CLVS1: variants seen among roughly 807,000 people sequenced by gnomAD.
CLVS1 encodes the protein clavesin 1, also known as clavesin-1.
In CLVS1, 10 loss-of-function variants were observed where a neutral mutation model predicts 33.1. The ratio of observed to expected loss-of-function variants is 0.30; its 90% confidence interval spans 0.19 to 0.51. The LOEUF is 0.51. Among genes scored for constraint, CLVS1 ranks in the 20% least tolerant of loss-of-function variants. The pLI is 0.97. For missense variants in CLVS1, 343 were observed against 433.4 expected (o/e 0.79, Z 1.85); for synonymous variants, 163 against 166.1 (o/e 0.98, Z 0.14).
the CLVS1 span, among the ~76,000 whole-genome samples, chr8:61,033,110 A>C: frequency 1.2e-3 from 108 of 89,926 alleles, 3 homozygotes; most frequent in African/African-American, 4.6e-3. Flanking sequence ...ATAGAAAGAA[A>C]GAAGGAAGGA....
In CLVS1 at chr8:61,199,796, C is replaced by T. The variant is rs146417594; in HGVS notation, c.-152+67936C>T. Among the ~76,000 whole-genome samples, 285 of 152,344 alleles carry T rather than the reference C, an allele frequency of 1.9e-3. 2 individuals carry two copies. Among genetic ancestry groups the T allele is most frequent in the Admixed American group, 2.8e-3 (43 of 15,300 alleles). Reference sequence around the variant, plus strand: ...CCCAAAGGGGCTTTGTCTCATCCCACTTTCCACCTTTTTATGTAGAGAAAC... The same window carrying T: ...CCCAAAGGGGCTTTGTCTCATCCCATTTTCCACCTTTTTATGTAGAGAAAC... On this transcript the variant is annotated intron_variant, in intron 2 of 2. Coordinates refer to the CLVS1 transcript ENST00000522621.
intron 5 of CLVS1, among the ~76,000 whole-genome samples, chr8:61,459,241 G>A (rs1362562309): frequency 2.0e-5 from 3 of 152,072 alleles, no homozygotes; most frequent in African/African-American, 4.8e-5. Context: ...GGATCCAAGT[G>A]GTGAAGACCA....
intron 1 of CLVS1, among the ~76,000 whole-genome samples, chr8:61,117,751 A>C (rs1674394315): frequency 1.3e-5 from 2 of 152,136 alleles, no homozygotes; most frequent in African/African-American, 4.8e-5. Flanking sequence ...AAGCTTTTTG[A>C]TGTGCTGCTG....
intron 1 of CLVS1, among the ~76,000 whole-genome samples, chr8:61,107,060 T>C (rs545214521): frequency 3.3e-5 from 5 of 152,234 alleles, no homozygotes; most frequent in African/African-American, 1.2e-4. Context: ...CTCTCTCCCA[T>C]AAATGATCCT....
At chr8:61,308,532 G>T (rs1262495253) in intron 2 of CLVS1, among the ~76,000 whole-genome samples, 3 of 152,162 alleles carry the variant, frequency 2.0e-5, no homozygotes, top group Non-Finnish European at 1.5e-5. Context: ...ACAGTCAGCA[G>T]GGGGAGCTGC....
chr8:61,299,392 T>A (rs1010585285), intron 1 of CLVS1, among the ~76,000 whole-genome samples: 4 of 152,192 alleles, frequency 2.6e-5, no homozygotes, highest in Admixed American at 2.6e-4. Context: ...TAAAAGTGCA[T>A]GCTATTGCTA....
chr8:61,413,990 TC>T (rs1323074847), intron 3 of CLVS1, among the ~76,000 whole-genome samples: 5 of 152,220 alleles, frequency 3.3e-5, no homozygotes, highest in African/African-American at 1.2e-4. Context: ...ATTTCTAGTT[TC>T]AGACAACTGA....
At chr8:61,457,613 G>T (rs1295504358) in intron 4 of CLVS1, among the ~76,000 whole-genome samples, 2 of 151,988 alleles carry the variant, frequency 1.3e-5, no homozygotes. Context: ...TGTGGTTTTT[G>T]ATTCCATTAA....
At chr8:61,250,469 C>G (rs1168335272) in intron 2 of CLVS1, among the ~76,000 whole-genome samples, 2 of 152,086 alleles carry the variant, frequency 1.3e-5, no homozygotes, top group Non-Finnish European at 2.9e-5. Flanking sequence ...TCAGTGGTAG[C>G]TTGATGGGGA....
At chr8:61,418,019 G>A (rs1815508735) in intron 3 of CLVS1, among the ~76,000 whole-genome samples, 1 of 152,206 alleles carries the variant, frequency 6.6e-6, no homozygotes, top group Admixed American at 6.5e-5. Context: ...TTGTTCTACA[G>A]AAAGGATACA....
chr8:61,194,260 G>A (rs971310634), intron 2 of CLVS1, among the ~76,000 whole-genome samples: 1 of 151,970 alleles, frequency 6.6e-6, no homozygotes, highest in African/African-American at 2.4e-5. Context: ...TATAAAGATT[G>A]TCAGCTTGGA....
At position 61,365,286 on chromosome 8, in the gene CLVS1, G is replaced by GGGA. The variant is rs534569922; in HGVS notation, c.456-11316_456-11314dup. On this transcript the variant is annotated intron_variant, in intron 2 of 5. Transcript: ENST00000325897. ...CTCACGTCTGTAATCCCAGTACTTT[G>GGGA]GGAGGCCGAGGCGGGCGGATCACCT... Among the ~76,000 whole-genome samples the GGGA allele has an allele frequency of 6.4e-3, 968 of 152,260 alleles. 12 individuals carry two copies. The highest frequency in any genetic ancestry group is 0.022 in the African/African-American group (918 of 41,566).
intron 2 of CLVS1, among the ~76,000 whole-genome samples, chr8:61,219,835 G>A (rs753145319): frequency 2.6e-5 from 4 of 152,046 alleles, no homozygotes; most frequent in Non-Finnish European, 4.4e-5. Flanking sequence ...TTTAATAATC[G>A]TCATTCTGAC....
upstream of CLVS1, among the ~76,000 whole-genome samples, chr8:61,053,862 T>C (rs1336967567): frequency 6.6e-6 from 1 of 152,236 alleles, no homozygotes; most frequent in Admixed American, 6.5e-5. Context: ...ACATCCTACC[T>C]GTCGGGTGGA....
intron 1 of CLVS1, among the ~76,000 whole-genome samples, chr8:61,090,185 C>T (rs1373353647): frequency 6.6e-6 from 1 of 152,128 alleles, no homozygotes; most frequent in Non-Finnish European, 1.5e-5. Flanking sequence ...AATATCATGT[C>T]CTAGCAGGTA....
intron 1 of CLVS1, among the ~76,000 whole-genome samples, chr8:61,061,631 G>T (rs953224343): frequency 2.0e-5 from 3 of 152,074 alleles, no homozygotes; most frequent in African/African-American, 7.3e-5. Context: ...CAGACACTGA[G>T]CCTCTTGAAT....
the CLVS1 span, among the ~76,000 whole-genome samples, chr8:61,027,785 T>A: frequency 1.3e-5 from 2 of 152,180 alleles, no homozygotes; most frequent in African/African-American, 2.4e-5. Flanking sequence ...ATTTTTCATT[T>A]TTCACTTGTC....
the CLVS1 span, among the ~76,000 whole-genome samples, chr8:61,004,110 C>T: frequency 6.6e-6 from 1 of 152,336 alleles, no homozygotes; most frequent in Admixed American, 6.5e-5. Context: ...CCTCAGTTTC[C>T]ATGGTTTAAA....
chr8:61,429,847 A>G (rs899875733), intron 3 of CLVS1, among the ~76,000 whole-genome samples: 1 of 152,186 alleles, frequency 6.6e-6, no homozygotes, highest in Admixed American at 6.5e-5. Context: ...GGTGTAATAT[A>G]ATAATGGTGG....
Sources: allele counts gnomAD v4.1 joint callset (sites outside exome capture counted in the v4.1 genomes callset), GRCh38; gene constraint gnomAD v4.1.1; transcripts MANE v1.5; gene names NCBI Gene and HGNC (gene_info 2026-07-23, HGNC 2026-07-21).